ATXN7: variants seen among roughly 807,000 people sequenced by gnomAD.
ATXN7 encodes ataxin 7, also known as ataxin-7.
In ATXN7, 12 loss-of-function variants were observed where a neutral mutation model predicts 70.5. The ratio of observed to expected loss-of-function variants is 0.17; its 90% CI spans 0.11 to 0.28. The LOEUF (loss-of-function observed/expected upper bound fraction) is 0.28. ATXN7 is among the 10% of genes least tolerant of loss of function. ATXN7 has a pLI of 1.00. For missense variants in ATXN7, 1,256 were observed against 1,131.7 expected (o/e 1.11, Z -1.58); for synonymous variants, 498 against 448.7 (o/e 1.11, Z -1.39).
intron 1 of ATXN7, among the ~76,000 whole-genome samples, chr3:63,897,994 C>T (rs1324923209): frequency 6.6e-6 from 1 of 152,116 alleles, no homozygotes; most frequent in Non-Finnish European, 1.5e-5. Context: ...AGAACGACAG[C>T]TTGAGCTCTC....
chr3:63,990,394 C>T lies in ATXN7; in HGVS notation c.1560+20C>T. The T allele has an allele frequency of 1.9e-6, 3 of 1,613,666 alleles. No homozygotes were observed. The highest frequency in any genetic ancestry group is 2.5e-6 in the Non-Finnish European group (3 of 1,179,722). On this transcript the variant is annotated intron_variant, in intron 10 of 12. Coordinates refer to ENST00000674280, the MANE Select transcript of ATXN7 (RefSeq NM_001377405.1). The stretch of plus-strand genomic sequence containing the variant: ...GCATCTGTAAGTTCCACGTCCACCC[C>T]CGCGTTGACCCTCCCCACACAGCAT...
At chr3:63,961,555 ATG>A (rs1421140246) in intron 5 of ATXN7, among the ~76,000 whole-genome samples, 3 of 152,180 alleles carry the variant, frequency 2.0e-5, no homozygotes, top group Non-Finnish European at 2.9e-5. Context: ...GGCAGTGAAA[ATG>A]TGAGTTTCTG....
At chr3:63,882,720 A>G (rs1295294038) in intron 1 of ATXN7, among the ~76,000 whole-genome samples, 1 of 152,184 alleles carries the variant, frequency 6.6e-6, no homozygotes, top group Non-Finnish European at 1.5e-5. Flanking sequence ...TTGTTTATTT[A>G]TCAGACAGGT....
At chr3:63,985,631 AG>A (rs2075565286) in intron 8 of ATXN7, among the ~76,000 whole-genome samples, 1 of 152,140 alleles carries the variant, frequency 6.6e-6, no homozygotes, top group Admixed American at 6.5e-5. Flanking sequence ...CTTCACCGTC[AG>A]GGGATTTGCT....
At chr3:63,953,049 C>T (rs1012639975) in intron 5 of ATXN7, among the ~76,000 whole-genome samples, 2 of 151,922 alleles carry the variant, frequency 1.3e-5, no homozygotes, top group African/African-American at 2.4e-5. Context: ...TATTTGAATA[C>T]GTACCTTGTT....
intron 2 of ATXN7, among the ~76,000 whole-genome samples, chr3:63,909,190 C>T (rs1703935791): frequency 1.3e-5 from 2 of 152,228 alleles, no homozygotes; most frequent in South Asian, 4.1e-4. Context: ...AGTTACAAGG[C>T]ATCATCAGAA....
Position 63,961,738 on chromosome 3 carries a change from G to A in ATXN7, c.499+9255G>A, listed in dbSNP as rs868823247. Among the ~76,000 whole-genome samples, 246 of 151,960 alleles carry A rather than the reference G, an allele frequency of 1.6e-3. 2 individuals carry two copies. The Middle Eastern group carries it at 0.021, about 13-fold the overall frequency. On this transcript the variant is annotated intron_variant, in intron 5 of 12. Coordinates refer to ENST00000674280, the MANE Select transcript of ATXN7 (RefSeq NM_001377405.1). ...AAAAGGCTTAATAAAAATTAAGTAAGAAATTATTATTTAATATATATATGA... is the reference window on the plus strand; with the variant it reads ...AAAAGGCTTAATAAAAATTAAGTAAAAAATTATTATTTAATATATATATGA...
At chr3:63,863,789 A>G (rs1702307165), upstream of ATXN7, 3 of 1,250,312 alleles carry the variant, frequency 2.4e-6, no homozygotes, top group South Asian at 3.8e-5. Flanking sequence ...CACGGCTCCC[A>G]TGGCGTGCGC....
intron 4 of ATXN7, among the ~76,000 whole-genome samples, chr3:63,918,337 C>T (rs1456976965): frequency 6.6e-6 from 1 of 152,176 alleles, no homozygotes; most frequent in Admixed American, 6.5e-5. Context: ...AAGTATTTTA[C>T]TGTTAAAGGT....
intron 9 of ATXN7, 35 bp downstream of exon 9, chr3:63,988,359 C>A: frequency 6.2e-7 from 1 of 1,612,060 alleles, no homozygotes; most frequent in South Asian, 1.1e-5. Context: ...CTCCCACCTT[C>A]AGAGATGAGA....
intron 4 of ATXN7, among the ~76,000 whole-genome samples, chr3:63,928,562 T>A (rs1436763400): frequency 1.3e-5 from 2 of 152,176 alleles, no homozygotes; most frequent in African/African-American, 4.8e-5. Flanking sequence ...AGTAAAGAGC[T>A]TTACATGGAC....
chr3:63,937,122 T>G (rs1379439921), intron 4 of ATXN7, among the ~76,000 whole-genome samples: 2 of 152,230 alleles, frequency 1.3e-5, no homozygotes, highest in Non-Finnish European at 2.9e-5. Context: ...TACGAATTAA[T>G]TAACCAACTG....
At chr3:63,944,754 T>G (rs956514066) in intron 4 of ATXN7, among the ~76,000 whole-genome samples, 1 of 150,660 alleles carries the variant, frequency 6.6e-6, no homozygotes, top group Admixed American at 6.6e-5. Context: ...GTGAGTTATG[T>G]TTTTTTTTGT....
At chr3:63,863,534 G>A, upstream of ATXN7, 2 of 1,193,844 alleles carry the variant, frequency 1.7e-6, no homozygotes, top group Non-Finnish European at 2.1e-6. Flanking sequence ...CCGGGAGAGC[G>A]GACGGGGAAA....
At chr3:63,865,881 C>G (rs1299107656) in intron 1 of ATXN7, among the ~76,000 whole-genome samples, 1 of 103,486 alleles carries the variant, frequency 9.7e-6, no homozygotes, top group Non-Finnish European at 1.7e-5. Context: ...GGCGACAGAG[C>G]GAGACTCCAT....
chr3:63,946,479 A>G (rs1393860314), intron 4 of ATXN7, among the ~76,000 whole-genome samples: 1 of 152,034 alleles, frequency 6.6e-6, no homozygotes, highest in Non-Finnish European at 1.5e-5. Flanking sequence ...CTCTACTAAA[A>G]ATACAAAAAG....
chr3:63,961,250 A>G (rs1207488650), intron 5 of ATXN7, among the ~76,000 whole-genome samples: 1 of 152,180 alleles, frequency 6.6e-6, no homozygotes, highest in Non-Finnish European at 1.5e-5. Flanking sequence ...TCTATCTAAA[A>G]TATTTTTTCA....
chr3:63,984,513 C>A (rs1371424828), intron 8 of ATXN7, among the ~76,000 whole-genome samples: 1 of 152,166 alleles, frequency 6.6e-6, no homozygotes, highest in East Asian at 1.9e-4. Flanking sequence ...ATCATGATCA[C>A]AACTTGCCAT....
intron 7 of ATXN7, among the ~76,000 whole-genome samples, 190 bp downstream of exon 7, chr3:63,982,635 TGTGTGTG>T (rs1361073787): frequency 6.6e-6 from 1 of 151,164 alleles, no homozygotes; most frequent in African/African-American, 2.4e-5. Flanking sequence ...TGTGTGTGTG[TGTGTGTG>T]TGTGTGTGTG....
Sources: allele counts gnomAD v4.1 joint callset (sites outside exome capture counted in the v4.1 genomes callset), GRCh38; gene constraint gnomAD v4.1.1; transcripts MANE v1.5; gene names NCBI Gene and HGNC (gene_info 2026-07-23, HGNC 2026-07-21).